The following KCTD15 variants were observed in gnomAD, a reference collection of about 807,000 sequenced individuals.
KCTD15 encodes BTB/POZ domain-containing protein KCTD15.
KCTD15 carries 11 observed loss-of-function variants against 27.2 expected under a neutral mutation model. That is an observed-to-expected ratio of 0.41 (90% CI 0.25 to 0.67). KCTD15 has a LOEUF of 0.67. Among genes scored for constraint, KCTD15 ranks in the 30% least tolerant of loss-of-function variants. KCTD15 has a pLI of 0.35. For synonymous variants in KCTD15, 163 were observed against 176.0 expected (o/e 0.93, Z 0.58); for missense variants, 350 against 409.3 (o/e 0.86, Z 1.25).
intron 1 of KCTD15, chr19:33,797,283 T>TGC (rs757561501): frequency 0.011 from 1,363 of 120,412 alleles, 10 homozygotes; most frequent in Admixed American, 0.033. Context: ...TGTGTGTGTG[T>TGC]GCGCGCGCGC....
At chr19:33,800,336 C>T (rs775623877) in intron 2 of KCTD15, 92 bp from the exon 3 acceptor site, 61 of 1,019,676 alleles carry the variant, frequency 6.0e-5, no homozygotes, top group Non-Finnish European at 8.8e-5. Context: ...TCTCAGAGAG[C>T]ATGCAGAAAG....
chr19:33,811,487 A>G lies in KCTD15; in HGVS notation c.628A>G (p.Asn210Asp). Residue 210 changes from asparagine to aspartate, a missense_variant, in exon 6 of 7, where the codon AAC (asparagine) becomes GAC (aspartate). This residue lies in a region of KCTD15 where 219 missense variants were observed against 234.9 expected (regional missense o/e 0.93). Coordinates refer to ENST00000683859, the MANE Select transcript of KCTD15 (RefSeq NM_001129994.2). Reference sequence around the variant, plus strand: ...GTGCAACTCCGTCAACGCCGGCTGGAACCAGGACCCCACGCACGTCATCCG... The same window carrying G: ...GTGCAACTCCGTCAACGCCGGCTGGGACCAGGACCCCACGCACGTCATCCG... The part of the protein sequence containing the change: ...VMCNSVNAGW[N>D]QDPTHVIRFP... 6.2e-7 allele frequency: 1 copy of G among 1,612,648 alleles called. No individual in the cohort carries two copies. The highest frequency in any genetic ancestry group is 8.5e-7 in the Non-Finnish European group (1 of 1,179,636).
intron 4 of KCTD15, among the ~76,000 whole-genome samples, chr19:33,806,104 G>A (rs185575145): frequency 1.3e-5 from 2 of 152,240 alleles, no homozygotes; most frequent in Non-Finnish European, 2.9e-5. Context: ...TTCTGTGTGC[G>A]TGTGTGTATG....
At chr19:33,802,415 G>A (rs996092900) in intron 4 of KCTD15, among the ~76,000 whole-genome samples, 1 of 152,234 alleles carries the variant, frequency 6.6e-6, no homozygotes, top group African/African-American at 2.4e-5. Flanking sequence ...GAGGATGGTA[G>A]TGCGCAGAGG....
At chr19:33,799,333 A>C (rs2145432721) in intron 2 of KCTD15, among the ~76,000 whole-genome samples, 1 of 152,298 alleles carries the variant, frequency 6.6e-6, no homozygotes, top group Admixed American at 6.5e-5. Flanking sequence ...GGAAAAAGCA[A>C]TCCCATGGGT....
chr19:33,795,075 C>G (rs1318257312), upstream of KCTD15, among the ~76,000 whole-genome samples: 1 of 152,208 alleles, frequency 6.6e-6, no homozygotes, highest in East Asian at 1.9e-4. Flanking sequence ...AGCTCAAAAT[C>G]CATAAATTAA....
At position 33,811,768 on chromosome 19, in the gene KCTD15, CTTTT is replaced by C. The variant is rs3215257; in HGVS notation, c.693+228_693+231del. ...ATGGACTTAAAAAAATCGATCTGTA[CTTTT>C]TTTTTTTTTTTCCAAAAGGATGTTC... On this transcript the variant is annotated intron_variant, in intron 6 of 6. Transcript: ENST00000683859. The C allele has an allele frequency of 5.6e-6, 8 of 1,430,478 alleles. No homozygotes were observed. In the Admixed American group the frequency reaches 6.0e-5, roughly 11 times the overall value. 88.6% of individuals were successfully genotyped at this position (1,430,478 alleles called of 1,614,324 possible). A position where few individuals can be genotyped will look rare whatever the true frequency, so the allele number is the denominator to read the frequency against.
chr19:33,795,398 C>T (rs1346274953), upstream of KCTD15, among the ~76,000 whole-genome samples: 1 of 152,084 alleles, frequency 6.6e-6, no homozygotes, highest in African/African-American at 2.4e-5. Flanking sequence ...CCACTGGCAC[C>T]CCGAGTCCCC....
chr19:33,806,749 C>A, intron 4 of KCTD15, 114 bp from the exon 5 acceptor site: 1 of 1,205,598 alleles, frequency 8.3e-7, no homozygotes, highest in Non-Finnish European at 1.2e-6. Context: ...TCACCCATGT[C>A]AGGTCCCTCG....
chr19:33,800,543 G>T (rs1226698318), intron 3 of KCTD15, 23 bp downstream of exon 3: 1 of 1,567,538 alleles, frequency 6.4e-7, no homozygotes. Flanking sequence ...GGTGGGCTGG[G>T]TCCCTGCCGG....
chr19:33,807,922 G>GAGC (rs1450145942), intron 5 of KCTD15, among the ~76,000 whole-genome samples: 1 of 150,860 alleles, frequency 6.6e-6, no homozygotes, highest in Non-Finnish European at 1.5e-5. Flanking sequence ...CTCCAGCCTG[G>GAGC]ATGACGGAGC....
upstream of KCTD15, among the ~76,000 whole-genome samples, chr19:33,795,491 C>G (rs1250530243): frequency 6.6e-6 from 1 of 151,872 alleles, no homozygotes; most frequent in Admixed American, 6.6e-5. Flanking sequence ...CGGCCGGAGC[C>G]GGCGGTCGGG....
At chr19:33,803,122 G>C (rs1449663722) in intron 4 of KCTD15, among the ~76,000 whole-genome samples, 2 of 152,238 alleles carry the variant, frequency 1.3e-5, no homozygotes, top group African/African-American at 4.8e-5. Flanking sequence ...TTCTTCCCCA[G>C]GGCTGGGGCT....
At chr19:33,811,768 C>CTT (rs3215257) in intron 6 of KCTD15, 737 of 1,420,012 alleles carry the variant, frequency 5.2e-4, no homozygotes, top group Admixed American at 1.1e-3. Context: ...TCGATCTGTA[C>CTT]TTTTTTTTTT....
Position 33,814,347 on chromosome 19 carries a change from G to A in KCTD15, c.*1399G>A, listed in dbSNP as rs1387929252. On this transcript the variant is annotated 3_prime_UTR_variant, in exon 7 of 7. Transcript: ENST00000683859. ...ACGGATTCCTCCCTTGGATCCTTCAGTTCCCATCGAGGAATAACCCGCAGC... is the reference window on the plus strand; with the variant it reads ...ACGGATTCCTCCCTTGGATCCTTCAATTCCCATCGAGGAATAACCCGCAGC... 1 of 152,242 alleles carries A rather than the reference G, an allele frequency of 6.6e-6. No homozygotes were observed. Among genetic ancestry groups the A allele is most frequent in the Non-Finnish European group, 1.5e-5 (1 of 68,064 alleles). The allele number at this position is 152,242 out of a possible 1,614,324, so 9.4% of individuals were successfully genotyped here.
chr19:33,799,897 T>A (rs1159960803), intron 2 of KCTD15, among the ~76,000 whole-genome samples: 1 of 152,182 alleles, frequency 6.6e-6, no homozygotes, highest in Non-Finnish European at 1.5e-5. Flanking sequence ...CCTGGACTTC[T>A]GCTGAACGGC....
At position 33,815,373 on chromosome 19, in the gene KCTD15, C is replaced by T. The variant is rs1293087758; in HGVS notation, c.*2425C>T. The T allele has an allele frequency of 6.6e-6, 1 of 151,970 alleles. No individual in the cohort carries two copies. Among genetic ancestry groups the T allele is most frequent in the Non-Finnish European group, 1.5e-5 (1 of 68,032 alleles). The allele number at this position is 151,970 out of a possible 1,614,324, so 9.4% of individuals were successfully genotyped here. ...ATGCTATAATTCTAATATATCTAGTCCCCATAAACAGTAAGTACAAATTAT... is the reference window on the plus strand; with the variant it reads ...ATGCTATAATTCTAATATATCTAGTTCCCATAAACAGTAAGTACAAATTAT... On this transcript the variant is annotated 3_prime_UTR_variant, in exon 7 of 7. Coordinates refer to ENST00000683859, the MANE Select transcript of KCTD15 (RefSeq NM_001129994.2).
chr19:33,808,743 A>G (rs1406320458), intron 5 of KCTD15, among the ~76,000 whole-genome samples: 1 of 151,946 alleles, frequency 6.6e-6, no homozygotes, highest in Non-Finnish European at 1.5e-5. Context: ...CAGTGAGGCA[A>G]TTATGGATGA....
chr19:33,804,063 G>A (rs370785048), intron 4 of KCTD15, among the ~76,000 whole-genome samples: 2 of 152,316 alleles, frequency 1.3e-5, no homozygotes, highest in South Asian at 4.1e-4. Context: ...CACAGGGAAC[G>A]TGGAGCCCCT....
Sources: gnomAD v4.1 joint callset for allele counts (sites outside exome capture counted in the v4.1 genomes callset) on GRCh38, gnomAD v4.1.1 for gene constraint, gnomAD v4.1.1 regional missense constraint, MANE v1.5 for transcripts, NCBI Gene and HGNC (gene_info 2026-07-23, HGNC 2026-07-21) for gene names.